Variants in SRPK2 observed in about 807,000 individuals in gnomAD.
SRPK2 encodes SRSF protein kinase 2.
SRPK2 carries 21 observed loss-of-function variants against 90.8 expected under a neutral mutation model. The observed-to-expected ratio is 0.23, with a 90% CI of 0.16 to 0.33. The LOEUF (loss-of-function observed/expected upper bound fraction) is 0.33. Among genes scored for constraint, SRPK2 ranks in the 10% least tolerant of loss-of-function variants. The probability of loss-of-function intolerance (pLI) is 1.00; values close to 1 mark genes in which losing one functional copy is unlikely to be tolerated. For synonymous variants in SRPK2, 288 were observed against 311.1 expected (o/e 0.93, Z 0.78); for missense variants, 620 against 869.0 (o/e 0.71, Z 3.60).
intron 2 of SRPK2, among the ~76,000 whole-genome samples, chr7:105,350,529 CTTTT>C (rs71152961): frequency 1.6e-5 from 2 of 127,344 alleles, no homozygotes; most frequent in Non-Finnish European, 1.6e-5. Flanking sequence ...AATTTTTTTT[CTTTT>C]TTTTTTTTTT....
At chr7:105,125,673 C>T (rs1305607731) in intron 15 of SRPK2, 1 of 389,374 alleles carries the variant, frequency 2.6e-6, no homozygotes, top group East Asian at 8.5e-5. Flanking sequence ...CGGAAGAATT[C>T]CCCAGTTGTG....
At chr7:105,253,997 C>T (rs1802864617) in intron 2 of SRPK2, among the ~76,000 whole-genome samples, 1 of 152,104 alleles carries the variant, frequency 6.6e-6, no homozygotes, top group South Asian at 2.1e-4. Context: ...TTCTTGAAAT[C>T]CTTACAAAAT....
In SRPK2 at chr7:105,277,072, CTTATTA is replaced by C. The variant is rs930375846; in HGVS notation, c.72-73293_72-73288del. Reference sequence around the variant, plus strand: ...ATGGAGCCCTTCTTGGTGTCTCCAACTTATTATTATTATTTTTTTTTTGAGACAGAG... The same window carrying C: ...ATGGAGCCCTTCTTGGTGTCTCCAACTTATTATTTTTTTTTTGAGACAGAG... On this transcript the variant is annotated intron_variant, in intron 2 of 15. Coordinates refer to ENST00000393651, the MANE Select transcript of SRPK2 (RefSeq NM_182692.3). Among the ~76,000 whole-genome samples the C allele has an allele frequency of 6.1e-5, 9 of 147,216 alleles. No individual in the cohort carries two copies. The South Asian group carries it at 6.6e-4, about 11-fold the overall frequency.
chr7:105,196,995 G>A (rs180710213), intron 3 of SRPK2, among the ~76,000 whole-genome samples: 30 of 152,090 alleles, frequency 2.0e-4, no homozygotes, highest in Admixed American at 5.2e-4. Flanking sequence ...GGCAGTGAGT[G>A]GAGATTGCAG....
Position 105,204,906 on chromosome 7 carries a change from T to C in SRPK2, c.72-1121A>G, listed in dbSNP as rs1440246073. 3 of 389,208 alleles carry C rather than the reference T, an allele frequency of 7.7e-6. No homozygotes were observed. The East Asian group carries it at 2.1e-4, about 27-fold the overall frequency. 24.1% of individuals were successfully genotyped at this position (389,208 alleles called of 1,614,324 possible). A position where few individuals can be genotyped will look rare whatever the true frequency, so the allele number is the denominator to read the frequency against. ...ATCTTGGTGTTATTGCTAGATTTCCTTTTGGAACACTGTTGCTCTCTGCCC... is the reference window on the plus strand; with the variant it reads ...ATCTTGGTGTTATTGCTAGATTTCCCTTTGGAACACTGTTGCTCTCTGCCC... On this transcript the variant is annotated intron_variant, in intron 2 of 15. Transcript: ENST00000393651.
At chr7:105,261,528 A>C (rs781208120) in intron 2 of SRPK2, among the ~76,000 whole-genome samples, 1 of 146,210 alleles carries the variant, frequency 6.8e-6, no homozygotes, top group South Asian at 2.1e-4. Flanking sequence ...ACTCCATCTC[A>C]AAAAAAAAAA....
chr7:105,359,527 G>A (rs919345887), intron 2 of SRPK2, among the ~76,000 whole-genome samples: 6 of 152,038 alleles, frequency 3.9e-5, no homozygotes, highest in Non-Finnish European at 7.4e-5. Flanking sequence ...TAAAAAAGAC[G>A]TCAAAAGCAG....
At chr7:105,128,948 A>G (rs1192728127) in intron 13 of SRPK2, among the ~76,000 whole-genome samples, 1 of 152,230 alleles carries the variant, frequency 6.6e-6, no homozygotes, top group Non-Finnish European at 1.5e-5. Context: ...TATTCCCAAG[A>G]AAACATGTAT....
chr7:105,301,596 A>G, intron 2 of SRPK2: 2 of 1,603,908 alleles, frequency 1.2e-6, no homozygotes, highest in South Asian at 1.1e-5. Context: ...GTTTCCGGGA[A>G]TTAAGTTCAG....
rs201939510 is a variant in SRPK2 at position 105,253,960 on chromosome 7, T to C, written c.72-50175A>G. On this transcript the variant is annotated intron_variant, in intron 2 of 15. Transcript: ENST00000393651. ...TGTGTTGAATGTTTTGTCACCTGTTTAGAGTGAGAGGCTTGAATCACATAA... is the reference window on the plus strand; with the variant it reads ...TGTGTTGAATGTTTTGTCACCTGTTCAGAGTGAGAGGCTTGAATCACATAA... 1.7e-4 allele frequency among the ~76,000 whole-genome samples: 26 copies of C among 152,300 alleles called. No individual in the cohort carries two copies. In the East Asian group the frequency reaches 4.8e-3, roughly 28 times the overall value.
At chr7:105,157,954 T>C (rs1256572631) in intron 7 of SRPK2, among the ~76,000 whole-genome samples, 2 of 152,046 alleles carry the variant, frequency 1.3e-5, no homozygotes, top group Non-Finnish European at 2.9e-5. Flanking sequence ...CAGTCCCAGC[T>C]ACTAGGGAGG....
At chr7:105,318,100 G>A (rs896940234) in intron 2 of SRPK2, among the ~76,000 whole-genome samples, 2 of 152,000 alleles carry the variant, frequency 1.3e-5, no homozygotes, top group African/African-American at 2.4e-5. Flanking sequence ...TCATTTTTGT[G>A]GTTTTGTTTT....
rs1192259439 is a variant in SRPK2 at position 105,235,475 on chromosome 7, T to C, written c.72-31690A>G. On this transcript the variant is annotated intron_variant, in intron 2 of 15. Transcript: ENST00000393651. ...TTGTCTGGGATTGTGTGTGTGTGTG[T>C]GTGTGTGCATGTGCATGCATTTTAA... Among the ~76,000 whole-genome samples the C allele has an allele frequency of 5.3e-5, 8 of 152,012 alleles. No individual in the cohort carries two copies. The Admixed American group carries it at 5.3e-4, about 10-fold the overall frequency.
chr7:105,172,048 C>T (rs1014720106), intron 3 of SRPK2, among the ~76,000 whole-genome samples: 1 of 152,114 alleles, frequency 6.6e-6, no homozygotes, highest in African/African-American at 2.4e-5. Context: ...CTTGCACCAC[C>T]ACACCTGGCT....
At chr7:105,259,677 C>T (rs145873931) in intron 2 of SRPK2, among the ~76,000 whole-genome samples, 1 of 152,096 alleles carries the variant, frequency 6.6e-6, no homozygotes, top group African/African-American at 2.4e-5. Context: ...GGTACTGGTA[C>T]CAAAACTGAG....
At chr7:105,153,878 G>A (rs1806119789) in intron 7 of SRPK2, among the ~76,000 whole-genome samples, 1 of 152,142 alleles carries the variant, frequency 6.6e-6, no homozygotes, top group South Asian at 2.1e-4. Flanking sequence ...CACCAGAGGG[G>A]TTCTCCGCAA....
intron 9 of SRPK2, 83 bp from the exon 10 acceptor site, chr7:105,143,413 C>G: frequency 6.7e-7 from 1 of 1,494,524 alleles, no homozygotes. Context: ...TGGCAAATAG[C>G]AATAAACTCT....
chr7:105,210,759 G>A (rs1265575777), intron 2 of SRPK2, among the ~76,000 whole-genome samples: 1 of 152,166 alleles, frequency 6.6e-6, no homozygotes, highest in Admixed American at 6.5e-5. Context: ...TAAAAGCAGA[G>A]GGTTTTCTTT....
intron 2 of SRPK2, among the ~76,000 whole-genome samples, chr7:105,340,222 T>C (rs986565645): frequency 3.3e-5 from 5 of 151,936 alleles, no homozygotes; most frequent in Non-Finnish European, 7.4e-5. Context: ...TGCGAGAAAA[T>C]AGGAAGTACG....
Sources: allele counts gnomAD v4.1 joint callset (sites outside exome capture counted in the v4.1 genomes callset), GRCh38; gene constraint gnomAD v4.1.1; transcripts MANE v1.5; gene names NCBI Gene and HGNC (gene_info 2026-07-23, HGNC 2026-07-21).